The following LRRC51 variants were observed in gnomAD, a reference collection of about 807,000 sequenced individuals.
LRRC51 encodes the protein leucine rich repeat containing 51, also known as leucine-rich repeat-containing protein 51.
A neutral mutation model predicts 17.8 loss-of-function variants in LRRC51; 8 were observed. The observed-to-expected ratio is 0.45, with a 90% CI of 0.26 to 0.81. The LOEUF (loss-of-function observed/expected upper bound fraction) is 0.81. Ranked by LOEUF, LRRC51 falls within the 30% of genes least tolerant of loss-of-function variation. The probability of loss-of-function intolerance (pLI) is 0.17; values close to 1 mark genes in which losing one functional copy is unlikely to be tolerated. For missense variants in LRRC51, 233 were observed against 239.3 expected, an observed-to-expected ratio of 0.97 and a Z score of 0.17; for synonymous variants, 92 against 96.0, an observed-to-expected ratio of 0.96 and a Z score of 0.24.
intron 2 of LRRC51, chr11:72,088,686 AG>A: frequency 1.9e-6 from 1 of 527,878 alleles, no homozygotes; most frequent in Non-Finnish European, 3.4e-6. Context: ...AAGGTCTCAG[AG>A]TAGGATTCAG....
Position 72,096,584 on chromosome 11 carries a change from C to G in LRRC51, c.*1064C>G, listed in dbSNP as rs1415505861. 5 of 1,411,432 alleles carry G rather than the reference C, an allele frequency of 3.5e-6. No individual in the cohort carries two copies. Among genetic ancestry groups the G allele is most frequent in the Non-Finnish European group, 1.9e-6 (2 of 1,080,512 alleles). 87.4% of individuals were successfully genotyped at this position (1,411,432 alleles called of 1,614,324 possible). A position where few individuals can be genotyped will look rare whatever the true frequency, so the allele number is the denominator to read the frequency against. On this transcript the variant is annotated 3_prime_UTR_variant, in exon 6 of 6. Transcript: ENST00000289488. ...AAAAGGGAGGCAATTGAGGGAAAGGCCTGCTGGCCTGGGACACTGGAGACG... is the reference window on the plus strand; with the variant it reads ...AAAAGGGAGGCAATTGAGGGAAAGGGCTGCTGGCCTGGGACACTGGAGACG...
chr11:72,091,326 C>G (rs1037908555), intron 3 of LRRC51, among the ~76,000 whole-genome samples: 6 of 152,094 alleles, frequency 3.9e-5, no homozygotes, highest in Admixed American at 2.6e-4. Flanking sequence ...GGGAGGGAAG[C>G]AGGATTAGGA....
intron 2 of LRRC51, 169 bp from the exon 3 acceptor site, chr11:72,088,860 A>G (rs1944689549): frequency 4.4e-6 from 3 of 687,788 alleles, no homozygotes; most frequent in Non-Finnish European, 7.1e-6. Flanking sequence ...TGAGAAGTAG[A>G]AAGTGCTCTA....
At chr11:72,088,796 C>A (rs922647432) in intron 2 of LRRC51, 15 of 532,664 alleles carry the variant, frequency 2.8e-5, no homozygotes, top group Non-Finnish European at 4.7e-5. Flanking sequence ...ATTTTCCAGA[C>A]AAAGAAATGG....
chr11:72,088,524 C>G lies in LRRC51; in HGVS notation c.-56+144C>G, dbSNP rs1208317472. On this transcript the variant is annotated intron_variant, in intron 2 of 5. Transcript: ENST00000289488. ...GCCAAGCGGAGAAGGTGGCAAATCC[C>G]CAGCTGGGCCAGACTGAGAGGGGTG... The G allele has an allele frequency of 1.2e-5, 8 of 655,614 alleles. No homozygotes were observed. In the South Asian group the frequency reaches 1.3e-4, roughly 11 times the overall value. The allele number at this position is 655,614 out of a possible 1,614,324, so 40.6% of individuals were successfully genotyped here. A position where few individuals can be genotyped will look rare whatever the true frequency, so the allele number is the denominator to read the frequency against.
intron 1 of LRRC51, among the ~76,000 whole-genome samples, chr11:72,087,251 TATAAG>T (rs951771393): frequency 6.6e-6 from 1 of 151,508 alleles, no homozygotes; most frequent in African/African-American, 2.4e-5. Flanking sequence ...TAAACTGAAT[TATAAG>T]ATATCAGGTC....
At position 72,084,861 on chromosome 11, in the gene LRRC51, CGTGTGTGTGTGTGTGTGTGTGTGTGTGT is replaced by C. The variant is rs55904624; in HGVS notation, c.-139-3419_-139-3392del. On this transcript the variant is annotated intron_variant, in intron 1 of 5. Coordinates refer to ENST00000289488, the MANE Select transcript of LRRC51 (RefSeq NM_145309.6). ...CAAAAAAAAAAAAAAAAAAGAAAAC[CGTGTGTGTGTGTGTGTGTGTGTGTGTGT>C]GTGTGTGTGTGTGTGTAAAACCTTA... Among the ~76,000 whole-genome samples, 21 of 124,298 alleles carry C rather than the reference CGTGTGTGTGTGTGTGTGTGTGTGTGTGT, an allele frequency of 1.7e-4. No homozygotes were observed. The Admixed American group carries it at 1.9e-3, about 12-fold the overall frequency. 81.5% of individuals were successfully genotyped at this position (124,298 alleles called of 152,430 possible).
chr11:72,084,942 C>T (rs553490024), intron 1 of LRRC51, among the ~76,000 whole-genome samples: 126 of 146,764 alleles, frequency 8.6e-4, no homozygotes, highest in Middle Eastern at 3.6e-3. Flanking sequence ...GTTATATTCC[C>T]AAACTGTTAA....
At position 72,082,412 on chromosome 11, in the gene LRRC51, A is replaced by T. The variant is rs561570163; in HGVS notation, c.-140+1527A>T. 3.9e-5 allele frequency among the ~76,000 whole-genome samples: 6 copies of T among 152,132 alleles called. No individual in the cohort carries two copies. In the East Asian group the frequency reaches 1.2e-3, roughly 29 times the overall value. On this transcript the variant is annotated intron_variant, in intron 1 of 5. Coordinates refer to ENST00000289488, the MANE Select transcript of LRRC51 (RefSeq NM_145309.6). ...TCTTGGGTACCCCTCCACACCCACA[A>T]CTTCATTTTCCACCTGTATGCAAAT...
At chr11:72,087,161 T>A (rs76755295) in intron 1 of LRRC51, among the ~76,000 whole-genome samples, 2 of 152,196 alleles carry the variant, frequency 1.3e-5, no homozygotes, top group African/African-American at 2.4e-5. Flanking sequence ...AAGACATTCA[T>A]TTTCCTCTAA....
rs1274322950 is a variant in LRRC51, at chr11:72,089,098, C to T, written c.15C>T (p.Asp5=). 3 of 1,614,082 alleles carry T rather than the reference C, an allele frequency of 1.9e-6. No individual in the cohort carries two copies. Among genetic ancestry groups the T allele is most frequent in the Non-Finnish European group, 2.5e-6 (3 of 1,179,998 alleles). MNKR[D]YMNTSVQEPP... ...TGGCCTGAACTATGAACAAACGGGA[C>T]TATATGAACACTTCGGTACAGGAGC... Residue 5 remains aspartate (D), a synonymous_variant, in exon 3 of 6, where the codon GAC becomes GAT. Coordinates refer to ENST00000289488, the MANE Select transcript of LRRC51 (RefSeq NM_145309.6).
At chr11:72,085,955 C>A (rs1944508502) in intron 1 of LRRC51, 1 of 154,226 alleles carries the variant, frequency 6.5e-6, no homozygotes, top group Non-Finnish European at 1.4e-5. Flanking sequence ...TGGCAAAGAG[C>A]AAGAGGGCAG....
intron 4 of LRRC51, among the ~76,000 whole-genome samples, chr11:72,094,101 A>G (rs1240109974): frequency 6.6e-6 from 1 of 152,096 alleles, no homozygotes. Context: ...CCTGGCCAAC[A>G]TGGTGAAACC....
At position 72,093,566 on chromosome 11, in the gene LRRC51, C is replaced by G. The variant is rs769676019; in HGVS notation, c.153C>G (p.Thr51=). The change falls in exon 4 of 6, where the codon ACC becomes ACG. Residue 51 remains threonine, a synonymous_variant. Coordinates refer to ENST00000289488, the MANE Select transcript of LRRC51 (RefSeq NM_145309.6). ...LKRSKSGKSL[T]QSLWLNNNVL... ...GTTCAAAGTCGGGGAAATCACTGACCCAGTCCCTGTGGCTGAATAACAATG... is the reference window on the plus strand; with the variant it reads ...GTTCAAAGTCGGGGAAATCACTGACGCAGTCCCTGTGGCTGAATAACAATG... 1.2e-6 allele frequency: 2 copies of G among 1,614,174 alleles called. No homozygotes were observed. The highest frequency in any genetic ancestry group is 2.2e-5 in the South Asian group (2 of 91,084).
intron 3 of LRRC51, among the ~76,000 whole-genome samples, chr11:72,091,740 T>G (rs1475113923): frequency 6.6e-6 from 1 of 152,232 alleles, no homozygotes; most frequent in East Asian, 1.9e-4. Context: ...TTATGCTAAC[T>G]GCTTATATCC....
At chr11:72,095,121 G>A (rs1480402924) in intron 5 of LRRC51, 25 bp downstream of exon 5, 2 of 1,610,676 alleles carry the variant, frequency 1.2e-6, no homozygotes, top group Admixed American at 3.4e-5. Context: ...CCTGGAGGTA[G>A]CGTCTAGCTG....
At position 72,094,764 on chromosome 11, in the gene LRRC51, G is replaced by A. The variant is rs1221827575; in HGVS notation, c.289-184G>A. 4.4e-6 allele frequency: 5 copies of A among 1,143,546 alleles called. No individual in the cohort carries two copies. The East Asian group carries it at 7.5e-5, about 17-fold the overall frequency. 70.8% of individuals were successfully genotyped at this position (1,143,546 alleles called of 1,614,324 possible). ...TCAGATCACAGCTCCTTTTCAGTGT[G>A]ATGCCCTGTATGTCTTAAAACATAA... On this transcript the variant is annotated intron_variant, in intron 4 of 5. Transcript: ENST00000289488.
At chr11:72,083,580 T>C (rs1944365272) in intron 1 of LRRC51, among the ~76,000 whole-genome samples, 1 of 152,042 alleles carries the variant, frequency 6.6e-6, no homozygotes. Flanking sequence ...TAAGAAAAAA[T>C]ATGGTTTCTG....
In LRRC51 at chr11:72,095,113, TGG is replaced by T; in HGVS notation, c.437+18_437+19del. 6.2e-7 allele frequency: 1 copy of T among 1,612,344 alleles called. No individual in the cohort carries two copies. The highest frequency in any genetic ancestry group is 1.1e-5 in the South Asian group (1 of 91,000). ...AGGGTATAGGTAAGTGCCCTGCCCC[TGG>T]AGGTAGCGTCTAGCTGGGCTCCCCT... On this transcript the variant is annotated intron_variant, in intron 5 of 5. Coordinates refer to ENST00000289488, the MANE Select transcript of LRRC51 (RefSeq NM_145309.6).
Sources: allele counts gnomAD v4.1 joint callset (sites outside exome capture counted in the v4.1 genomes callset), GRCh38; gene constraint gnomAD v4.1.1; transcripts MANE v1.5; gene names NCBI Gene and HGNC (gene_info 2026-07-23, HGNC 2026-07-21).